C12orf54: variants seen among roughly 807,000 people sequenced by gnomAD.
The protein encoded by C12orf54 is uncharacterized protein C12orf54.
C12orf54 carries 24 observed loss-of-function variants against 26.4 expected under a neutral mutation model. The observed-to-expected ratio is 0.91, with a 90% confidence interval of 0.66 to 1.28. The LOEUF is 1.28. Among genes scored for constraint, C12orf54 ranks in the 50% most tolerant of loss-of-function variants. The pLI, the probability that C12orf54 is intolerant of heterozygous loss-of-function variation, is 0.00. For synonymous variants in C12orf54, 54 were observed against 47.0 expected, an observed-to-expected ratio of 1.15 and a Z score of -0.61; for missense variants, 154 against 150.9, an observed-to-expected ratio of 1.02 and a Z score of -0.11.
the C12orf54 span, among the ~76,000 whole-genome samples, chr12:48,449,909 T>A: frequency 2.0e-5 from 3 of 152,098 alleles, no homozygotes; most frequent in African/African-American, 7.2e-5. Flanking sequence ...AATTGAGTCA[T>A]GGGGGCCAGT....
the C12orf54 span, among the ~76,000 whole-genome samples, chr12:48,453,461 A>G: frequency 1.0e-3 from 152 of 150,626 alleles, no homozygotes; most frequent in African/African-American, 3.3e-3. Context: ...CTATGCAACA[A>G]ACCTGCACAT....
the C12orf54 span, among the ~76,000 whole-genome samples, chr12:48,443,742 T>C: frequency 4.6e-5 from 7 of 152,308 alleles, no homozygotes; most frequent in Admixed American, 1.3e-4. Context: ...GTGGTCTTCT[T>C]TTTTGCCTAC....
At chr12:48,450,160 G>A in the C12orf54 span, among the ~76,000 whole-genome samples, 1 of 152,030 alleles carries the variant, frequency 6.6e-6, no homozygotes, top group African/African-American at 2.4e-5. Flanking sequence ...TAAAACTAGA[G>A]GAATGGAGAA....
chr12:48,472,106 A>G, the C12orf54 span, among the ~76,000 whole-genome samples: 1 of 152,060 alleles, frequency 6.6e-6, no homozygotes, highest in Non-Finnish European at 1.5e-5. Flanking sequence ...CTTTGTGGCT[A>G]TTGTAAATGG....
the C12orf54 span, among the ~76,000 whole-genome samples, chr12:48,444,081 G>A: frequency 1.3e-5 from 2 of 152,154 alleles, no homozygotes; most frequent in Non-Finnish European, 2.9e-5. Flanking sequence ...TATGAAGTTG[G>A]GAGTTTGAAA....
intron 3 of C12orf54, 172 bp downstream of exon 3, chr12:48,486,380 T>C: frequency 1.5e-6 from 1 of 658,622 alleles, no homozygotes; most frequent in Non-Finnish European, 2.6e-6. Context: ...AGGTAACGTC[T>C]CCAATGCCAC....
chr12:48,485,251 G>A (rs1954245669), intron 2 of C12orf54, among the ~76,000 whole-genome samples: 1 of 151,018 alleles, frequency 6.6e-6, no homozygotes, highest in African/African-American at 2.5e-5. Flanking sequence ...CTGGGTTTTT[G>A]ATGTTGTTTC....
chr12:48,433,291 G>A, the C12orf54 span, among the ~76,000 whole-genome samples: 5 of 152,174 alleles, frequency 3.3e-5, no homozygotes, highest in African/African-American at 1.2e-4. Flanking sequence ...CACCAGGAAG[G>A]AAAGACTGAC....
At position 48,488,851 on chromosome 12, in the gene C12orf54, T is replaced by A. The variant is rs1937718960; in HGVS notation, c.136-73T>A. 8.3e-6 allele frequency: 11 copies of A among 1,328,454 alleles called. No individual in the cohort carries two copies. The South Asian group carries it at 1.3e-4, about 16-fold the overall frequency. The allele number at this position is 1,328,454 out of a possible 1,614,324, so 82.3% of individuals were successfully genotyped here. A position where few individuals can be genotyped will look rare whatever the true frequency, so the allele number is the denominator to read the frequency against. On this transcript the variant is annotated intron_variant, in intron 4 of 8. Transcript: ENST00000548364. ...GCTAGGAGACTAGGTAACTTAATTT[T>A]ATATGTGAAATCCCTCTGTAATAAA... is the stretch of plus-strand genomic sequence containing the variant.
At chr12:48,450,966 A>T in the C12orf54 span, among the ~76,000 whole-genome samples, 5 of 152,166 alleles carry the variant, frequency 3.3e-5, no homozygotes, top group Non-Finnish European at 7.4e-5. Context: ...ACTCCTTCCT[A>T]GCTCATTCTA....
At chr12:48,415,873 C>T in the C12orf54 span, among the ~76,000 whole-genome samples, 18 of 152,102 alleles carry the variant, frequency 1.2e-4, no homozygotes, top group African/African-American at 4.3e-4. Flanking sequence ...TGCAACCAAC[C>T]AGCCAAACTA....
At chr12:48,431,665 G>A in the C12orf54 span, among the ~76,000 whole-genome samples, 18 of 152,100 alleles carry the variant, frequency 1.2e-4, no homozygotes, top group African/African-American at 3.9e-4. Context: ...AAAAACCTTC[G>A]AGAAAGTGAT....
the C12orf54 span, among the ~76,000 whole-genome samples, chr12:48,418,718 A>G: frequency 1.3e-5 from 2 of 152,198 alleles, 1 homozygote; most frequent in East Asian, 3.8e-4. Context: ...AAACAGGGAC[A>G]CAAGGAATTC....
At chr12:48,444,562 C>T in the C12orf54 span, among the ~76,000 whole-genome samples, 3 of 152,196 alleles carry the variant, frequency 2.0e-5, no homozygotes, top group African/African-American at 7.2e-5. Flanking sequence ...TAGACTTCCT[C>T]ACAGAAAGAA....
chr12:48,445,842 G>A, the C12orf54 span, among the ~76,000 whole-genome samples: 2 of 152,176 alleles, frequency 1.3e-5, 1 homozygote, highest in Admixed American at 1.3e-4. Context: ...CCAAAAGGAG[G>A]AAGCGAAGTG....
chr12:48,463,901 C>T, the C12orf54 span, among the ~76,000 whole-genome samples: 1 of 152,024 alleles, frequency 6.6e-6, no homozygotes, highest in Admixed American at 6.6e-5. Context: ...GTTAAAAACT[C>T]TCAACAAACT....
At chr12:48,489,395 C>T in intron 5 of C12orf54, 1 of 286,898 alleles carries the variant, frequency 3.5e-6, no homozygotes, top group Non-Finnish European at 7.0e-6. Flanking sequence ...CTCCTCGGCT[C>T]TTCTTCTATA....
chr12:48,467,928 T>C, the C12orf54 span, among the ~76,000 whole-genome samples: 1 of 152,182 alleles, frequency 6.6e-6, no homozygotes, highest in Admixed American at 6.5e-5. Flanking sequence ...TAGGATGCCC[T>C]TGTATCCTCA....
the C12orf54 span, among the ~76,000 whole-genome samples, chr12:48,413,184 A>T: frequency 3.3e-5 from 5 of 152,350 alleles, no homozygotes; most frequent in South Asian, 2.1e-4. Flanking sequence ...CAAATTCAGC[A>T]TTTAACTAAG....
Sources: allele counts gnomAD v4.1 joint callset (sites outside exome capture counted in the v4.1 genomes callset), GRCh38; gene constraint gnomAD v4.1.1; transcripts MANE v1.5; gene names NCBI Gene and HGNC (gene_info 2026-07-23, HGNC 2026-07-21).